The following CACNA1A variants were observed in gnomAD, a reference collection of about 807,000 sequenced individuals.
CACNA1A encodes the protein voltage-dependent P/Q-type calcium channel subunit alpha-1A.
CACNA1A carries 57 observed loss-of-function variants against 262.4 expected under a neutral mutation model. That is an observed-to-expected ratio of 0.22 (90% CI 0.18 to 0.27). CACNA1A has a LOEUF of 0.27. Among genes scored for constraint, CACNA1A ranks in the 10% least tolerant of loss-of-function variants. CACNA1A has a pLI of 1.00. For synonymous variants in CACNA1A, 1,431 were observed against 1,419.3 expected, an observed-to-expected ratio of 1.01 and a Z score of -0.18; for missense variants, 2,526 against 3,562.8, an observed-to-expected ratio of 0.71 and a Z score of 7.41.
chr19:13,336,031 G>A (rs759382696), intron 6 of CACNA1A, 122 bp from the exon 7 acceptor site: 306 of 599,262 alleles, frequency 5.1e-4, no homozygotes, highest in Middle Eastern at 2.2e-3. Flanking sequence ...TTGGCTTGTG[G>A]AGTTCTGGGG....
chr19:13,357,873 G>A (rs939214202), intron 6 of CACNA1A, among the ~76,000 whole-genome samples: 16 of 152,004 alleles, frequency 1.1e-4, no homozygotes, highest in African/African-American at 3.6e-4. Context: ...TAGGTATGGT[G>A]GTGTGTGCCT....
intron 12 of CACNA1A, among the ~76,000 whole-genome samples, chr19:13,311,685 A>C (rs949317784): frequency 9.2e-5 from 14 of 152,122 alleles, no homozygotes; most frequent in South Asian, 2.1e-4. Flanking sequence ...AAAATACAAA[A>C]AATTAGCCAG....
rs1349147232 is a variant in CACNA1A, at chr19:13,312,710, G to A, written c.1627C>T (p.Arg543Trp). 5.0e-6 allele frequency: 8 copies of A among 1,594,062 alleles called. No homozygotes were observed. Among genetic ancestry groups the A allele is most frequent in the African/African-American group, 4.1e-5 (3 of 73,338 alleles). The change falls in exon 12 of 47, where the codon CGG becomes TGG. Residue 543 changes from arginine to tryptophan, a missense_variant. Arg to Trp is a moderately radical substitution (Grantham distance 101). This residue lies in a region of CACNA1A where 102 missense variants were observed against 278.9 expected (regional missense o/e 0.37). Transcript: ENST00000360228. The part of the protein sequence containing the change: ...MFIKMYGLGT[R>W]PYFHSSFNCF... Reference sequence around the variant, plus strand: ...TTGAAGGAAGAGTGGAAGTAAGGCCGCGTCCCAAGCCCGTACATTTTTATA... The same window carrying A: ...TTGAAGGAAGAGTGGAAGTAAGGCCACGTCCCAAGCCCGTACATTTTTATA...
intron 3 of CACNA1A, among the ~76,000 whole-genome samples, chr19:13,418,329 T>C (rs924310263): frequency 6.6e-6 from 1 of 152,080 alleles, no homozygotes; most frequent in Non-Finnish European, 1.5e-5. Flanking sequence ...TAGTGGTGTG[T>C]GTACGTGGGA....
At chr19:13,378,020 C>T (rs973996348) in intron 3 of CACNA1A, among the ~76,000 whole-genome samples, 2 of 152,096 alleles carry the variant, frequency 1.3e-5, no homozygotes, top group East Asian at 1.9e-4. Flanking sequence ...ATTTGTGATT[C>T]GTGGGAACAG....
intron 15 of CACNA1A, among the ~76,000 whole-genome samples, chr19:13,305,242 C>G (rs2057876361): frequency 6.7e-6 from 1 of 149,506 alleles, no homozygotes; most frequent in African/African-American, 2.6e-5. Flanking sequence ...GGTATTTATC[C>G]ACCAACGGCT....
At chr19:13,490,037 C>T (rs1011340431) in intron 1 of CACNA1A, among the ~76,000 whole-genome samples, 5 of 152,050 alleles carry the variant, frequency 3.3e-5, no homozygotes, top group East Asian at 3.8e-4. Context: ...GATTTTTGTC[C>T]GTGTGTTTAT....
chr19:13,325,196 C>T (rs541574820), intron 10 of CACNA1A, among the ~76,000 whole-genome samples: 1,767 of 127,996 alleles, frequency 0.014, 25 homozygotes, highest in Non-Finnish European at 0.022. Context: ...TCTTCTTCTT[C>T]TTTTTTTTTT....
rs1201761757 is a variant in CACNA1A at position 13,336,588 on chromosome 19, A to AGAGAGG, written c.979-685_979-680dup. Among the ~76,000 whole-genome samples the AGAGAGG allele has an allele frequency of 2.3e-3, 194 of 83,462 alleles. 1 individual carries two copies. The highest frequency in any genetic ancestry group is 7.2e-3 in the African/African-American group (186 of 25,858). 54.8% of individuals were successfully genotyped at this position (83,462 alleles called of 152,430 possible). On this transcript the variant is annotated intron_variant, in intron 6 of 46. Coordinates refer to ENST00000360228, the MANE Select transcript of CACNA1A (RefSeq NM_001127222.2). ...TGGAGAGAGAAAGAGAGACAGAGAG[A>AGAGAGG]GAGAGGGAGAGAGAGAGAGAGAGAG...
At chr19:13,311,894 T>C (rs1199732238) in intron 12 of CACNA1A, among the ~76,000 whole-genome samples, 4 of 152,132 alleles carry the variant, frequency 2.6e-5, no homozygotes, top group Non-Finnish European at 5.9e-5. Context: ...TAAGCCTTTC[T>C]GAGACCAACA....
At chr19:13,503,687 T>C (rs1982666368) in intron 1 of CACNA1A, among the ~76,000 whole-genome samples, 1 of 124,032 alleles carries the variant, frequency 8.1e-6, no homozygotes, top group Non-Finnish European at 1.6e-5. Context: ...AGCTCAGTCC[T>C]GGATGACCCA....
chr19:13,329,701 G>A (rs748882855), intron 10 of CACNA1A, among the ~76,000 whole-genome samples: 1 of 151,276 alleles, frequency 6.6e-6, no homozygotes, highest in South Asian at 2.1e-4. Flanking sequence ...TCGAACTCCC[G>A]ACATCAGGTG....
At chr19:13,366,972 T>C (rs1447761324) in intron 4 of CACNA1A, among the ~76,000 whole-genome samples, 1 of 152,128 alleles carries the variant, frequency 6.6e-6, no homozygotes, top group Non-Finnish European at 1.5e-5. Flanking sequence ...AGAGATGCTG[T>C]GATTCACCCA....
At chr19:13,487,864 G>C (rs1250160959) in intron 1 of CACNA1A, among the ~76,000 whole-genome samples, 1 of 151,172 alleles carries the variant, frequency 6.6e-6, no homozygotes, top group Non-Finnish European at 1.5e-5. Context: ...GGAGTGCAGT[G>C]GCACCATCAT....
intron 11 of CACNA1A, among the ~76,000 whole-genome samples, chr19:13,314,472 T>C (rs1325582585): frequency 2.0e-5 from 3 of 152,004 alleles, no homozygotes; most frequent in African/African-American, 7.2e-5. Context: ...ATAAAAGAGG[T>C]TGACAGAGGA....
intron 17 of CACNA1A, 124 bp downstream of exon 17, chr19:13,303,422 G>C (rs930293631): frequency 1.5e-6 from 1 of 676,682 alleles, no homozygotes; most frequent in African/African-American, 1.8e-5. Context: ...GTGCATCCCC[G>C]GCAAAAGTTC....
At chr19:13,259,512 C>A in intron 27 of CACNA1A, 52 bp downstream of exon 27, 1 of 1,545,206 alleles carries the variant, frequency 6.5e-7, no homozygotes, top group Non-Finnish European at 8.8e-7. Flanking sequence ...GGCCCTTTAT[C>A]CTCCTGCTCC....
chr19:13,224,762 C>T lies in CACNA1A; in HGVS notation c.5636G>A (p.Arg1879Gln), dbSNP rs1010331313. The T allele has an allele frequency of 8.1e-6, 13 of 1,604,872 alleles. No homozygotes were observed. Among genetic ancestry groups the T allele is most frequent in the Admixed American group, 3.4e-5 (2 of 58,438 alleles). ...PARVAYKRLL[R>Q]MDLPVADDNT... ...GTCATCTGCGACGGGCAGGTCCATCCGCAGAAGCCGCTACAGAAAACCCAA... is the reference window on the plus strand; with the variant it reads ...GTCATCTGCGACGGGCAGGTCCATCTGCAGAAGCCGCTACAGAAAACCCAA... The change falls in exon 38 of 47, where the codon CGG becomes CAG. Residue 1879 changes from arginine to glutamine, a missense_variant. By Grantham distance (43) the Arg-to-Gln change is conservative. This residue lies in a region of CACNA1A where 112 missense variants were observed against 197.2 expected (regional missense o/e 0.57). Coordinates refer to ENST00000360228, the MANE Select transcript of CACNA1A (RefSeq NM_001127222.2).
intron 36 of CACNA1A, chr19:13,228,944 C>A: frequency 2.2e-6 from 1 of 462,632 alleles, no homozygotes; most frequent in Non-Finnish European, 3.9e-6. Context: ...CCAGTACATT[C>A]CCAGACACTG....
Sources: gnomAD v4.1 joint callset for allele counts (sites outside exome capture counted in the v4.1 genomes callset) on GRCh38, gnomAD v4.1.1 for gene constraint, gnomAD v4.1.1 regional missense constraint, MANE v1.5 for transcripts, NCBI Gene and HGNC (gene_info 2026-07-23, HGNC 2026-07-21) for gene names.